SS18L1: variants seen among roughly 807,000 people sequenced by gnomAD.
SS18L1 encodes calcium-responsive transactivator.
In SS18L1, 32 loss-of-function variants were observed where a neutral mutation model predicts 70.3. The ratio of observed to expected loss-of-function variants is 0.46; its 90% confidence interval spans 0.34 to 0.61. The LOEUF is 0.61. SS18L1 is among the 20% of genes least tolerant of loss of function. The probability of loss-of-function intolerance (pLI) is 0.01; values close to 1 mark genes in which losing one functional copy is unlikely to be tolerated. For synonymous variants in SS18L1, 237 were observed against 229.7 expected, an observed-to-expected ratio of 1.03 and a Z score of -0.29; for missense variants, 430 against 542.1, an observed-to-expected ratio of 0.79 and a Z score of 2.05.
Position 62,158,490 on chromosome 20 carries a change from A to T in SS18L1, c.70-182A>T, listed in dbSNP as rs1206593836. Among the ~76,000 whole-genome samples, 1 of 152,146 alleles carries T rather than the reference A, an allele frequency of 6.6e-6. No individual in the cohort carries two copies. The highest frequency in any genetic ancestry group is 1.5e-5 in the Non-Finnish European group (1 of 68,020). On this transcript the variant is annotated intron_variant, in intron 1 of 10. Coordinates refer to ENST00000331758, the MANE Select transcript of SS18L1 (RefSeq NM_198935.3). The surrounding 1 kb of genome is among the most constrained non-coding windows in gnomAD (Gnocchi z 4.5). ...ATTTTGGATTTCGGGTTTTCGGATTAGGGATGCCAAACCGGTGGGTCTAAT... is the reference window on the plus strand; with the variant it reads ...ATTTTGGATTTCGGGTTTTCGGATTTGGGATGCCAAACCGGTGGGTCTAAT...
Position 62,174,788 on chromosome 20 carries a change from T to C in SS18L1, c.1164+144T>C. On this transcript the variant is annotated intron_variant, in intron 10 of 10. Coordinates refer to ENST00000331758, the MANE Select transcript of SS18L1 (RefSeq NM_198935.3). This position sits in a 1 kb window ranked among gnomAD's most constrained non-coding sequence, Gnocchi z 4.1. ...TTCCAGAACGTTAAGTCTCTGAGCC[T>C]GTAAGGTTTTGCAGAATTGCCTCTG... 7 of 1,550,598 alleles carry C rather than the reference T, an allele frequency of 4.5e-6. No individual in the cohort carries two copies. Among genetic ancestry groups the C allele is most frequent in the Non-Finnish European group, 6.1e-6 (7 of 1,147,636 alleles).
intron 1 of SS18L1, among the ~76,000 whole-genome samples, chr20:62,145,325 C>G (rs1487528232): frequency 7.0e-6 from 1 of 143,782 alleles, no homozygotes; most frequent in Non-Finnish European, 1.5e-5. Flanking sequence ...CCTAGGGGGG[C>G]TAAATGCCTT....
chr20:62,146,250 C>G (rs552899116), intron 1 of SS18L1, among the ~76,000 whole-genome samples: 2 of 152,234 alleles, frequency 1.3e-5, no homozygotes, highest in African/African-American at 4.8e-5. Flanking sequence ...CCTTGTAGCA[C>G]TTGCTTGAGC....
Position 62,175,390 on chromosome 20 carries a change from CTG to C in SS18L1, c.1164+751_1164+752del, listed in dbSNP as rs1373772599. On this transcript the variant is annotated intron_variant, in intron 10 of 10. Coordinates refer to ENST00000331758, the MANE Select transcript of SS18L1 (RefSeq NM_198935.3). ...TGGGGCCCCTGGAGGAGGACAGGGT[CTG>C]TGTGGTGGGAGCACTGCAGGAGCGA... is the stretch of plus-strand genomic sequence containing the variant. 4 of 985,216 alleles carry C rather than the reference CTG, an allele frequency of 4.1e-6. No individual in the cohort carries two copies. In the East Asian group the frequency reaches 4.5e-4, roughly 112 times the overall value. The allele number at this position is 985,216 out of a possible 1,614,324, so 61.0% of individuals were successfully genotyped here.
rs2145726579 is a variant in SS18L1 at position 62,158,766 on chromosome 20, A to G, written c.146+18A>G. 1.9e-6 allele frequency: 3 copies of G among 1,612,972 alleles called. No homozygotes were observed. The highest frequency in any genetic ancestry group is 1.7e-6 in the Non-Finnish European group (2 of 1,179,998). On this transcript the variant is annotated intron_variant, in intron 2 of 10. Transcript: ENST00000331758. This position sits in a 1 kb window ranked among gnomAD's most constrained non-coding sequence, Gnocchi z 4.5. ...TGCACGCAGTGAGTGCCCGCCATAC[A>G]CCGGAACACTTGGAGGGTGTCATGC...
At position 62,172,609 on chromosome 20, in the gene SS18L1, G is replaced by C. The variant is rs568580766; in HGVS notation, c.917-73G>C. On this transcript the variant is annotated intron_variant, in intron 8 of 10. Coordinates refer to ENST00000331758, the MANE Select transcript of SS18L1 (RefSeq NM_198935.3). ...TTTGGGATTCCAAAGTTACCGTGTC[G>C]TGAGTGGGCCACAGAATGAGCCCCC... 4 of 1,604,446 alleles carry C rather than the reference G, an allele frequency of 2.5e-6. No homozygotes were observed. In the South Asian group the frequency reaches 4.4e-5, roughly 18 times the overall value.
chr20:62,144,072 C>A (rs1260169558), intron 1 of SS18L1, among the ~76,000 whole-genome samples, 183 bp downstream of exon 1: 8 of 149,358 alleles, frequency 5.4e-5, no homozygotes, highest in African/African-American at 1.7e-4. Flanking sequence ...CCGGCGGGCA[C>A]CCGGCCGTGT....
At chr20:62,148,108 G>A (rs534031279) in intron 1 of SS18L1, among the ~76,000 whole-genome samples, 8 of 152,330 alleles carry the variant, frequency 5.3e-5, no homozygotes, top group Admixed American at 2.0e-4. Context: ...CCCCCCACCC[G>A]AGAAGGGGAG....
intron 1 of SS18L1, among the ~76,000 whole-genome samples, chr20:62,145,564 G>A (rs1251318140): frequency 1.3e-5 from 2 of 152,192 alleles, no homozygotes; most frequent in East Asian, 1.9e-4. Flanking sequence ...TTTGCACTTC[G>A]CACACAGTTC....
chr20:62,172,839 C>T (rs930776095), intron 9 of SS18L1, 38 bp downstream of exon 9: 5 of 1,602,416 alleles, frequency 3.1e-6, no homozygotes, highest in Non-Finnish European at 4.3e-6. Flanking sequence ...CCCCCAGCGC[C>T]CACCCCTGCC....
In SS18L1 at chr20:62,159,860, T is replaced by C; in HGVS notation, c.147-17T>C. ...TGGTCCCGTCGTCCTGCCTCATGCG[T>C]GCCCCCTCTCCTGCAGGTACCAGCA... On this transcript the variant is annotated splice_polypyrimidine_tract_variant and intron_variant, in intron 2 of 10. Coordinates refer to ENST00000331758, the MANE Select transcript of SS18L1 (RefSeq NM_198935.3). The surrounding 1 kb of genome is among the most constrained non-coding windows in gnomAD (Gnocchi z 4.4). 2 of 1,611,250 alleles carry C rather than the reference T, an allele frequency of 1.2e-6. No homozygotes were observed. The highest frequency in any genetic ancestry group is 1.1e-5 in the South Asian group (1 of 90,842).
At chr20:62,145,023 A>C (rs2056998708) in intron 1 of SS18L1, among the ~76,000 whole-genome samples, 1 of 152,248 alleles carries the variant, frequency 6.6e-6, no homozygotes, top group Non-Finnish European at 1.5e-5. Context: ...CTATTTTGAG[A>C]CTACCTTTGC....
chr20:62,156,405 G>GC (rs1412617872), intron 1 of SS18L1, among the ~76,000 whole-genome samples: 100 of 152,298 alleles, frequency 6.6e-4, no homozygotes, highest in African/African-American at 2.3e-3. Context: ...TCCCCTGGCG[G>GC]CCCCCCACCC....
rs147215299 is a variant in SS18L1 at position 62,174,930 on chromosome 20, C to T, written c.1164+286C>T. The T allele has an allele frequency of 1.8e-5, 18 of 983,832 alleles. No homozygotes were observed. The Admixed American group carries it at 2.5e-4, about 13-fold the overall frequency. 60.9% of individuals were successfully genotyped at this position (983,832 alleles called of 1,614,324 possible). A position where few individuals can be genotyped will look rare whatever the true frequency, so the allele number is the denominator to read the frequency against. On this transcript the variant is annotated intron_variant, in intron 10 of 10. Transcript: ENST00000331758. The surrounding 1 kb of genome is among the most constrained non-coding windows in gnomAD (Gnocchi z 4.1). ...GCCAGTGTTTGTCACGTACTGGGTA[C>T]GCGTCCGGTCTCTGCTGAGTGCTTG...
chr20:62,180,586 G>C lies in SS18L1; in HGVS notation c.*1378G>C, dbSNP rs1451796665. ...GTAATAACGATATTTCTCTTTAATT[G>C]ATGTTTTGTTTTAAAAGTTAAAAGT... is the stretch of plus-strand genomic sequence containing the variant. On this transcript the variant is annotated 3_prime_UTR_variant, in exon 11 of 11. Transcript: ENST00000331758. 1 of 176,548 alleles carries C rather than the reference G, an allele frequency of 5.7e-6. No homozygotes were observed. Among genetic ancestry groups the C allele is most frequent in the Non-Finnish European group, 1.2e-5 (1 of 81,998 alleles). The allele number at this position is 176,548 out of a possible 1,614,324, so 10.9% of individuals were successfully genotyped here. A position where few individuals can be genotyped will look rare whatever the true frequency, so the allele number is the denominator to read the frequency against.
chr20:62,173,170 C>G (rs1436116546), intron 9 of SS18L1, among the ~76,000 whole-genome samples: 1 of 152,220 alleles, frequency 6.6e-6, no homozygotes, highest in African/African-American at 2.4e-5. Context: ...ATCACCTGCA[C>G]GCCTCAGGCC....
intron 8 of SS18L1, 29 bp from the exon 9 acceptor site, chr20:62,172,653 G>A (rs1385785548): frequency 9.9e-6 from 16 of 1,613,992 alleles, no homozygotes; most frequent in Non-Finnish European, 1.3e-5. Context: ...GGTGGGGAAA[G>A]TCATTTCTGT....
intron 8 of SS18L1, among the ~76,000 whole-genome samples, chr20:62,166,734 G>A (rs1021653209): frequency 6.6e-5 from 10 of 151,414 alleles, no homozygotes; most frequent in East Asian, 5.8e-4. Flanking sequence ...AGACCAGCCT[G>A]GCCAACACGG....
At chr20:62,178,138 ATTC>A (rs2057652507) in intron 10 of SS18L1, among the ~76,000 whole-genome samples, 3 of 93,944 alleles carry the variant, frequency 3.2e-5, no homozygotes, top group Non-Finnish European at 6.2e-5. Flanking sequence ...CATGTGGCTT[ATTC>A]TTTTTTTTTT....
Sources: gnomAD v4.1 joint callset for allele counts (sites outside exome capture counted in the v4.1 genomes callset) on GRCh38, gnomAD v4.1.1 for gene constraint, Gnocchi (gnomAD v3.1) non-coding constraint, MANE v1.5 for transcripts, NCBI Gene and HGNC (gene_info 2026-07-23, HGNC 2026-07-21) for gene names.